Variants in LNPEP observed in about 807,000 individuals in gnomAD.
The protein encoded by LNPEP is leucyl-cystinyl aminopeptidase.
Under a neutral mutation model 120.6 loss-of-function variants are expected in LNPEP, and 64 were observed. That is an observed-to-expected ratio of 0.53 (90% confidence interval 0.43 to 0.65). The LOEUF (loss-of-function observed/expected upper bound fraction) is 0.65, where lower values mean the gene tolerates loss of function less well. Among genes scored for constraint, LNPEP ranks in the 30% least tolerant of loss-of-function variants. The probability of loss-of-function intolerance (pLI) is 0.00; values close to 1 mark genes in which losing one functional copy is unlikely to be tolerated. For missense variants in LNPEP, 1,057 were observed against 1,200.0 expected, an observed-to-expected ratio of 0.88 and a Z score of 1.76; for synonymous variants, 435 against 425.4, an observed-to-expected ratio of 1.02 and a Z score of -0.28.
intron 1 of LNPEP, among the ~76,000 whole-genome samples, chr5:96,957,516 C>A (rs1193668492): frequency 6.6e-6 from 1 of 152,076 alleles, no homozygotes; most frequent in East Asian, 1.9e-4. Flanking sequence ...TCTAGTTAGG[C>A]CCAGTGTAGT....
chr5:97,006,449 T>C lies in LNPEP; in HGVS notation c.1969T>C (p.Ser657Pro), dbSNP rs369869427. ...CAGCTACCTGTGGCATATTCCACTA[T>C]CCTATGTCACTGAAGGAAGAAATTA... ...DTSYLWHIPLSYVTEGRNYSK... is the reference protein window; with the variant it reads ...DTSYLWHIPLPYVTEGRNYSK... The change falls in exon 11 of 18, where the codon TCC (serine) becomes CCC (proline). Residue 657 changes from serine to proline, a missense_variant. By Grantham distance (74) the Ser-to-Pro change is moderately conservative (BLOSUM62 -1). Coordinates refer to ENST00000231368, the MANE Select transcript of LNPEP (RefSeq NM_005575.3). The C allele has an allele frequency of 6.3e-7, 1 of 1,580,670 alleles. No homozygotes were observed. The highest frequency in any genetic ancestry group is 8.7e-7 in the Non-Finnish European group (1 of 1,150,382).
intron 4 of LNPEP, among the ~76,000 whole-genome samples, chr5:96,988,499 C>G (rs1000473205): frequency 6.6e-6 from 1 of 151,400 alleles, no homozygotes; most frequent in Non-Finnish European, 1.5e-5. Context: ...CCACCACGCC[C>G]GGCTAATTTT....
rs1235355805 is a variant in LNPEP at position 96,936,252 on chromosome 5, C to A, written c.19+78C>A. ...CGTGGGCAGTCGTGACACGCGGGGT[C>A]GGGCTGCAGCCGTCTCCCCCAACAC... On this transcript the variant is annotated intron_variant, in intron 1 of 17. Transcript: ENST00000231368. The A allele has an allele frequency of 2.7e-5, 31 of 1,162,426 alleles. No individual in the cohort carries two copies. The Middle Eastern group carries it at 1.3e-3, about 50-fold the overall frequency. The allele number at this position is 1,162,426 out of a possible 1,614,324, so 72.0% of individuals were successfully genotyped here. A position where few individuals can be genotyped will look rare whatever the true frequency, so the allele number is the denominator to read the frequency against.
intron 6 of LNPEP, among the ~76,000 whole-genome samples, chr5:96,994,555 T>G (rs761412718): frequency 6.6e-6 from 1 of 152,046 alleles, no homozygotes; most frequent in Non-Finnish European, 1.5e-5. Flanking sequence ...GGGTACTGTT[T>G]GTATGACATG....
chr5:96,973,177 T>C (rs1436298357), intron 1 of LNPEP, among the ~76,000 whole-genome samples: 2 of 152,144 alleles, frequency 1.3e-5, no homozygotes, highest in African/African-American at 4.8e-5. Flanking sequence ...TCTAAACTTG[T>C]AACTTCTCAT....
rs1308771223 is a variant in LNPEP, at chr5:96,979,429, C to G, written c.311C>G (p.Ser104Ter). The change falls in exon 2 of 18, where the codon TCA becomes TGA. Residue 104 changes from serine to a stop codon, truncating the protein, a stop_gained. Transcript: ENST00000231368. LOFTEE classifies it high-confidence loss of function. ...AGGCAGAGCCCAGATGGGGCTTGTT[C>G]AGTACCCTCTGCAAGGACCATGGTG... ...GYRQSPDGAC[S>*]VPSARTMVVC... 1 of 1,614,056 alleles carries G rather than the reference C, an allele frequency of 6.2e-7. No individual in the cohort carries two copies.
intron 1 of LNPEP, chr5:96,943,234 A>G (rs908735230): frequency 1.9e-5 from 4 of 213,862 alleles, no homozygotes; most frequent in African/African-American, 9.8e-5. Context: ...AAAAAAAAAA[A>G]AAAGAAAACT....
At position 96,986,524 on chromosome 5, in the gene LNPEP, C is replaced by T; in HGVS notation, c.1000-15C>T. 1.9e-6 allele frequency: 3 copies of T among 1,609,288 alleles called. No individual in the cohort carries two copies. Among genetic ancestry groups the T allele is most frequent in the Non-Finnish European group, 2.5e-6 (3 of 1,177,142 alleles). Reference sequence around the variant, plus strand: ...TCCTATAGTTACAGAACTGTCTTTTCCCCTTTGCTTGTAGAAGTCATCAGT... The same window carrying T: ...TCCTATAGTTACAGAACTGTCTTTTTCCCTTTGCTTGTAGAAGTCATCAGT... On this transcript the variant is annotated splice_polypyrimidine_tract_variant and intron_variant, in intron 3 of 17. Transcript: ENST00000231368.
chr5:96,990,587 T>G (rs940369411), intron 4 of LNPEP, among the ~76,000 whole-genome samples: 2 of 152,300 alleles, frequency 1.3e-5, no homozygotes, highest in Non-Finnish European at 2.9e-5. Flanking sequence ...CGCACTAATC[T>G]AAGTTCTATA....
intron 13 of LNPEP, among the ~76,000 whole-genome samples, chr5:97,018,321 CTGTT>C (rs1791113829): frequency 6.6e-6 from 1 of 151,906 alleles, no homozygotes; most frequent in Non-Finnish European, 1.5e-5. Context: ...TCTGTTAACT[CTGTT>C]TATAGCTTAG....
At chr5:96,999,113 T>C (rs1182405812) in intron 8 of LNPEP, among the ~76,000 whole-genome samples, 1 of 152,114 alleles carries the variant, frequency 6.6e-6, no homozygotes, top group East Asian at 1.9e-4. Context: ...TAAGGAATTA[T>C]TTTTTTCCTA....
chr5:96,947,336 C>G (rs1297282543), intron 1 of LNPEP, among the ~76,000 whole-genome samples: 1 of 151,872 alleles, frequency 6.6e-6, no homozygotes, highest in Non-Finnish European at 1.5e-5. Flanking sequence ...ATAATTTAAC[C>G]TAGGAAAAGA....
rs770114355 is a variant in LNPEP at position 97,006,417 on chromosome 5, C to T, written c.1947-10C>T. The T allele has an allele frequency of 6.7e-7, 1 of 1,502,788 alleles. No homozygotes were observed. Among genetic ancestry groups the T allele is most frequent in the South Asian group, 1.2e-5 (1 of 82,914 alleles). The allele number at this position is 1,502,788 out of a possible 1,614,324, so 93.1% of individuals were successfully genotyped here. A position where few individuals can be genotyped will look rare whatever the true frequency, so the allele number is the denominator to read the frequency against. On this transcript the variant is annotated splice_polypyrimidine_tract_variant and intron_variant, in intron 10 of 17. Transcript: ENST00000231368. Reference sequence around the variant, plus strand: ...TATGTAACTAATTTTCCAATGTTTTCTCTTTACAGCTACCTGTGGCATATT... The same window carrying T: ...TATGTAACTAATTTTCCAATGTTTTTTCTTTACAGCTACCTGTGGCATATT...
rs539768219 is a variant in LNPEP, at chr5:96,959,690, G to A, written c.20-19448G>A. Among the ~76,000 whole-genome samples, 270 of 152,124 alleles carry A rather than the reference G, an allele frequency of 1.8e-3. 2 individuals are homozygous for A. The highest frequency in any genetic ancestry group is 0.014 in the South Asian group (66 of 4,826). The stretch of plus-strand genomic sequence containing the variant: ...TTGATTTAATATGATTTTAGTTTTA[G>A]ACTTTTAAAATTTGATTTAGCTAAA... On this transcript the variant is annotated intron_variant, in intron 1 of 17. Transcript: ENST00000231368.
At chr5:96,954,749 CATAT>C (rs1193708221) in intron 1 of LNPEP, among the ~76,000 whole-genome samples, 338 of 24,198 alleles carry the variant, frequency 0.014, 76 homozygotes, top group African/African-American at 0.018. Context: ...TATATATACA[CATAT>C]ATATATATAT....
intron 8 of LNPEP, among the ~76,000 whole-genome samples, chr5:96,998,394 CATCTTTTAA>C (rs1790568945): frequency 6.6e-6 from 1 of 152,004 alleles, no homozygotes; most frequent in Non-Finnish European, 1.5e-5. Context: ...TATAGCGATG[CATCTTTTAA>C]AGTCAGTTTA....
At chr5:96,988,157 C>T (rs1489370628) in intron 4 of LNPEP, among the ~76,000 whole-genome samples, 1 of 151,788 alleles carries the variant, frequency 6.6e-6, no homozygotes, top group Non-Finnish European at 1.5e-5. Context: ...CACTCTCTCT[C>T]TTCCTTTTTC....
intron 1 of LNPEP, among the ~76,000 whole-genome samples, chr5:96,948,371 G>A (rs970299943): frequency 6.6e-6 from 1 of 152,186 alleles, no homozygotes; most frequent in Non-Finnish European, 1.5e-5. Context: ...GCCTTTCTCG[G>A]CCTCCCAAAG....
intron 1 of LNPEP, among the ~76,000 whole-genome samples, chr5:96,953,727 G>T (rs1190238723): frequency 1.3e-5 from 2 of 151,976 alleles, no homozygotes; most frequent in African/African-American, 4.8e-5. Flanking sequence ...TTTGTATCTT[G>T]GTATTTTCTT....
Sources: allele counts gnomAD v4.1 joint callset (sites outside exome capture counted in the v4.1 genomes callset), GRCh38; gene constraint gnomAD v4.1.1; transcripts MANE v1.5; gene names NCBI Gene and HGNC (gene_info 2026-07-23, HGNC 2026-07-21).